The following GORASP2 variants were observed in gnomAD, a reference collection of about 807,000 sequenced individuals.
GORASP2 encodes the protein Golgi reassembly-stacking protein 2.
In GORASP2, 22 loss-of-function variants were observed where a neutral mutation model predicts 45.7. That is an observed-to-expected ratio of 0.48 (90% CI 0.34 to 0.69). GORASP2 has a LOEUF of 0.69. GORASP2 is among the 30% of genes least tolerant of loss of function. The pLI is 0.01. For synonymous variants in GORASP2, 221 were observed against 215.6 expected, an observed-to-expected ratio of 1.02 and a Z score of -0.22; for missense variants, 491 against 562.7, an observed-to-expected ratio of 0.87 and a Z score of 1.29.
intron 6 of GORASP2, 106 bp from the exon 7 acceptor site, chr2:170,956,330 A>G: frequency 1.0e-6 from 1 of 961,128 alleles, no homozygotes; most frequent in Non-Finnish European, 1.5e-6. Context: ...GTGACAGCTC[A>G]TGTGTGAACC....
At chr2:170,944,321 G>A (rs991416417) in intron 1 of GORASP2, among the ~76,000 whole-genome samples, 1 of 152,148 alleles carries the variant, frequency 6.6e-6, no homozygotes, top group Non-Finnish European at 1.5e-5. Context: ...GGGTCAAAGA[G>A]AGGATTTTTC....
intron 9 of GORASP2, among the ~76,000 whole-genome samples, chr2:170,964,585 G>A (rs532363870): frequency 9.2e-5 from 14 of 152,230 alleles, no homozygotes; most frequent in Admixed American, 2.6e-4. Flanking sequence ...CCCAGGAGGC[G>A]GAGGTTGTAG....
At position 170,929,281 on chromosome 2, in the gene GORASP2, G is replaced by A. The variant is rs549884132; in HGVS notation, c.-60G>A. ...TGCTACGCGGAGGATTAGAGCAGGC[G>A]GTGCGCTGGGGGCGGGAGCAGCGCG... On this transcript the variant is annotated 5_prime_UTR_variant, in exon 1 of 10. Transcript: ENST00000234160. The A allele has an allele frequency of 2.0e-4, 249 of 1,257,478 alleles. No homozygotes were observed. In the South Asian group the frequency reaches 2.1e-3, roughly 11 times the overall value. The allele number at this position is 1,257,478 out of a possible 1,614,324, so 77.9% of individuals were successfully genotyped here.
intron 9 of GORASP2, among the ~76,000 whole-genome samples, chr2:170,965,352 C>CG (rs1704659739): frequency 6.6e-6 from 1 of 152,240 alleles, no homozygotes; most frequent in Non-Finnish European, 1.5e-5. Context: ...CTTCTGCTGC[C>CG]TTCGCAGGAG....
At chr2:170,953,418 C>T (rs1704348494) in intron 5 of GORASP2, among the ~76,000 whole-genome samples, 1 of 152,142 alleles carries the variant, frequency 6.6e-6, no homozygotes, top group Non-Finnish European at 1.5e-5. Context: ...ACTGCCTGCT[C>T]ACCCAGCTTT....
intron 1 of GORASP2, among the ~76,000 whole-genome samples, chr2:170,931,537 A>G (rs1350755709): frequency 1.3e-5 from 2 of 152,226 alleles, no homozygotes; most frequent in East Asian, 1.9e-4. Context: ...AGAACGATTT[A>G]ATTAGAAGTT....
intron 1 of GORASP2, among the ~76,000 whole-genome samples, chr2:170,934,472 C>T (rs2105310211): frequency 6.6e-6 from 1 of 152,010 alleles, no homozygotes; most frequent in South Asian, 2.1e-4. Flanking sequence ...GTTGGCCAGG[C>T]TGTTCTCGAA....
At chr2:170,936,910 T>G (rs1457380376) in intron 1 of GORASP2, among the ~76,000 whole-genome samples, 1 of 152,056 alleles carries the variant, frequency 6.6e-6, no homozygotes, top group Non-Finnish European at 1.5e-5. Flanking sequence ...TCGTTAATTT[T>G]TTTAAAAAAA....
chr2:170,929,822 G>A (rs1168318537), intron 1 of GORASP2: 1 of 471,170 alleles, frequency 2.1e-6, no homozygotes, highest in Non-Finnish European at 4.4e-6. Context: ...CCTAGGAGAG[G>A]GATCCGGACC....
intron 7 of GORASP2, among the ~76,000 whole-genome samples, chr2:170,958,462 GTTTA>G (rs1012618169): frequency 9.9e-5 from 15 of 152,056 alleles, no homozygotes; most frequent in South Asian, 2.1e-4. Flanking sequence ...GGAACTTAAA[GTTTA>G]TTTCATTCAA....
rs1177859993 is a variant in GORASP2 at position 170,936,933 on chromosome 2, G to T, written c.63+7530G>T. On this transcript the variant is annotated intron_variant, in intron 1 of 9. Coordinates refer to ENST00000234160, the MANE Select transcript of GORASP2 (RefSeq NM_015530.5). ...TTTTTTAAAAAAAATTTAAGGCTAG[G>T]TGCGGTGGCTCACGCCTGTAATCCC... Among the ~76,000 whole-genome samples, 3 of 152,228 alleles carry T rather than the reference G, an allele frequency of 2.0e-5. No homozygotes were observed. In the East Asian group the frequency reaches 5.8e-4, roughly 29 times the overall value.
chr2:170,953,913 TC>T (rs1704361336), intron 5 of GORASP2: 1 of 152,238 alleles, frequency 6.6e-6, no homozygotes, highest in African/African-American at 2.4e-5. Context: ...CATGAGCCAT[TC>T]CCTTGGTTTG....
chr2:170,956,674 G>A, intron 7 of GORASP2, 115 bp downstream of exon 7: 1 of 821,870 alleles, frequency 1.2e-6, no homozygotes, highest in Non-Finnish European at 1.8e-6. Context: ...ACTTTGGGAG[G>A]CCAAGGCAGG....
intron 1 of GORASP2, among the ~76,000 whole-genome samples, chr2:170,940,754 C>T (rs1704057113): frequency 6.6e-6 from 1 of 151,878 alleles, no homozygotes; most frequent in Non-Finnish European, 1.5e-5. Context: ...ATGTATTTTC[C>T]ATTGCAACCA....
At chr2:170,961,490 G>A (rs1704559189) in intron 7 of GORASP2, among the ~76,000 whole-genome samples, 173 bp from the exon 8 acceptor site, 1 of 152,224 alleles carries the variant, frequency 6.6e-6, no homozygotes, top group African/African-American at 2.4e-5. Context: ...GCTGTGGGCA[G>A]AGTCAGTGAA....
At chr2:170,929,251 C>A, upstream of GORASP2, 2 of 1,055,614 alleles carry the variant, frequency 1.9e-6, no homozygotes, top group Non-Finnish European at 2.5e-6. Context: ...GTGCCACGTC[C>A]CAAGTGCTAC....
intron 1 of GORASP2, among the ~76,000 whole-genome samples, chr2:170,934,325 G>T (rs936252386): frequency 3.3e-5 from 5 of 151,482 alleles, no homozygotes; most frequent in Non-Finnish European, 7.4e-5. Context: ...GCCCAGGCTG[G>T]AGTACAATGG....
At chr2:170,962,646 C>G (rs1160698420) in intron 8 of GORASP2, among the ~76,000 whole-genome samples, 193 bp from the exon 9 acceptor site, 4 of 152,094 alleles carry the variant, frequency 2.6e-5, no homozygotes, top group African/African-American at 9.7e-5. Flanking sequence ...TATCTAATCA[C>G]TTAGGTAGAT....
At chr2:170,954,601 A>C in intron 5 of GORASP2, 49 bp from the exon 6 acceptor site, 5 of 1,551,710 alleles carry the variant, frequency 3.2e-6, no homozygotes, top group East Asian at 2.3e-5. Flanking sequence ...ACCTCAAAGA[A>C]ATACAAGCTG....
Sources: allele counts gnomAD v4.1 joint callset (sites outside exome capture counted in the v4.1 genomes callset), GRCh38; gene constraint gnomAD v4.1.1; transcripts MANE v1.5; gene names NCBI Gene and HGNC (gene_info 2026-07-23, HGNC 2026-07-21).